Variants in ERBB4 observed in about 807,000 individuals in gnomAD.
ERBB4 encodes the protein erb-b2 receptor tyrosine kinase 4.
Under a neutral mutation model 158.0 loss-of-function variants are expected in ERBB4, and 42 were observed. The observed-to-expected ratio is 0.27, with a 90% CI of 0.21 to 0.34. ERBB4 has a LOEUF of 0.34. ERBB4 is among the 10% of genes least tolerant of loss of function. The pLI is 1.00. For synonymous variants in ERBB4, 583 were observed against 558.7 expected (o/e 1.04, Z -0.61); for missense variants, 1,333 against 1,624.1 (o/e 0.82, Z 3.08).
chr2:212,140,433 T>C (rs1214383664), intron 1 of ERBB4, among the ~76,000 whole-genome samples: 1 of 147,036 alleles, frequency 6.8e-6, no homozygotes, highest in Admixed American at 6.8e-5. Flanking sequence ...TATATATATA[T>C]ACATATCATA....
intron 1 of ERBB4, among the ~76,000 whole-genome samples, chr2:212,242,457 A>T (rs1434607512): frequency 6.6e-6 from 1 of 152,128 alleles, no homozygotes; most frequent in Non-Finnish European, 1.5e-5. Context: ...TATAATAAAC[A>T]ATCTCTCATC....
chr2:212,338,071 A>G (rs1668486062), intron 1 of ERBB4, among the ~76,000 whole-genome samples: 1 of 152,100 alleles, frequency 6.6e-6, no homozygotes, highest in Non-Finnish European at 1.5e-5. Context: ...ATCCCAATCC[A>G]GGAAAAAATG....
intron 1 of ERBB4, among the ~76,000 whole-genome samples, chr2:212,277,120 A>T (rs996146238): frequency 7.9e-5 from 12 of 151,762 alleles, no homozygotes; most frequent in Admixed American, 6.6e-4. Flanking sequence ...AATAGTCAGC[A>T]AGCTAGGGGG....
intron 3 of ERBB4, among the ~76,000 whole-genome samples, chr2:211,854,978 T>C (rs2077817692): frequency 6.6e-6 from 1 of 152,304 alleles, no homozygotes; most frequent in East Asian, 1.9e-4. Flanking sequence ...CTCCCACCTA[T>C]AGTGTATATG....
At chr2:212,328,132 A>G (rs2087948526) in intron 1 of ERBB4, among the ~76,000 whole-genome samples, 1 of 151,748 alleles carries the variant, frequency 6.6e-6, no homozygotes, top group Non-Finnish European at 1.5e-5. Context: ...CATCTGGCAG[A>G]TGGGTTGGTT....
chr2:211,704,051 C>A (rs2073348665), intron 11 of ERBB4, 53 bp downstream of exon 11: 1 of 1,005,686 alleles, frequency 9.9e-7, no homozygotes, highest in Non-Finnish European at 1.6e-6. Context: ...AATGCACACA[C>A]AATGCTCCTC....
intron 20 of ERBB4, among the ~76,000 whole-genome samples, chr2:211,464,715 C>T (rs1037278891): frequency 6.6e-6 from 1 of 152,098 alleles, no homozygotes. Flanking sequence ...TTATATTATA[C>T]ACTACTAAAT....
In ERBB4 at chr2:212,064,151, G is replaced by C. The variant is rs187552473; in HGVS notation, c.234+60601C>G. Among the ~76,000 whole-genome samples, 233 of 152,206 alleles carry C rather than the reference G, an allele frequency of 1.5e-3. 2 individuals carry two copies. The highest frequency in any genetic ancestry group is 4.3e-3 in the Admixed American group (66 of 15,288). On this transcript the variant is annotated intron_variant, in intron 2 of 27. Transcript: ENST00000342788. The stretch of plus-strand genomic sequence containing the variant: ...TTCCCCAGAAGGAAAGGAGATTCCA[G>C]ATTAGAAAGAAAAGAAAAATAACAA...
rs578088611 is a variant in ERBB4, at chr2:212,236,496, G to A, written c.83-111593C>T. 1.5e-3 allele frequency among the ~76,000 whole-genome samples: 234 copies of A among 152,280 alleles called. 2 individuals carry two copies. The highest frequency in any genetic ancestry group is 5.4e-3 in the African/African-American group (223 of 41,564). On this transcript the variant is annotated intron_variant, in intron 1 of 27. Transcript: ENST00000342788. ...CTGGCCTCATAAAATCAATCAGAGA[G>A]GAGTTCCTCTTTTTCGATTGTTTGG...
At chr2:212,406,312 A>G (rs1353930629) in intron 1 of ERBB4, among the ~76,000 whole-genome samples, 1 of 152,152 alleles carries the variant, frequency 6.6e-6, no homozygotes, top group East Asian at 1.9e-4. Flanking sequence ...AAATACAAAG[A>G]AGAACTCCTT....
At chr2:212,015,816 T>C (rs887570479) in intron 2 of ERBB4, among the ~76,000 whole-genome samples, 2 of 152,134 alleles carry the variant, frequency 1.3e-5, no homozygotes, top group Non-Finnish European at 1.5e-5. Flanking sequence ...AACTTCCAAG[T>C]GCCAGTACTT....
intron 3 of ERBB4, among the ~76,000 whole-genome samples, chr2:211,886,250 G>T (rs995272193): frequency 2.6e-5 from 4 of 151,982 alleles, no homozygotes; most frequent in African/African-American, 4.8e-5. Flanking sequence ...ATTTAAAATT[G>T]CAAACTCCAT....
intron 12 of ERBB4, among the ~76,000 whole-genome samples, chr2:211,687,295 AC>A (rs2072599680): frequency 8.9e-6 from 1 of 112,142 alleles, no homozygotes; most frequent in Admixed American, 1.0e-4. Flanking sequence ...ACAGAGCAAG[AC>A]TCCGTCTCAA....
chr2:212,535,128 C>T (rs911765038), intron 1 of ERBB4, among the ~76,000 whole-genome samples: 15 of 151,998 alleles, frequency 9.9e-5, no homozygotes, highest in Non-Finnish European at 2.1e-4. Flanking sequence ...GTCATTTCAT[C>T]ACAACAGAAC....
intron 20 of ERBB4, among the ~76,000 whole-genome samples, chr2:211,486,634 G>C (rs146771758): frequency 4.1e-4 from 63 of 152,102 alleles, no homozygotes; most frequent in African/African-American, 1.5e-3. Context: ...ACAGATTTTG[G>C]GTCAAATCTC....
intron 3 of ERBB4, among the ~76,000 whole-genome samples, chr2:211,852,996 T>C (rs182684139): frequency 5.3e-5 from 8 of 152,148 alleles, no homozygotes; most frequent in African/African-American, 1.9e-4. Flanking sequence ...TCTAATAGTC[T>C]TGTCATCACA....
intron 5 of ERBB4, among the ~76,000 whole-genome samples, chr2:211,725,966 C>T (rs548106289): frequency 6.6e-5 from 10 of 152,212 alleles, no homozygotes; most frequent in African/African-American, 2.2e-4. Flanking sequence ...AGCATCATAT[C>T]GAGGTATACT....
At chr2:212,236,897 T>C (rs2083900563) in intron 1 of ERBB4, among the ~76,000 whole-genome samples, 1 of 152,194 alleles carries the variant, frequency 6.6e-6, no homozygotes, top group African/African-American at 2.4e-5. Context: ...ATCTATTTTG[T>C]TAACCTTTTC....
chr2:211,505,976 A>AAAAAAT (rs71047180), intron 20 of ERBB4, among the ~76,000 whole-genome samples: 1 of 150,748 alleles, frequency 6.6e-6, no homozygotes. Flanking sequence ...AAAAAAAAAA[A>AAAAAAT]GTTATAGACA....
Sources: allele counts gnomAD v4.1 joint callset (sites outside exome capture counted in the v4.1 genomes callset), GRCh38; gene constraint gnomAD v4.1.1; transcripts MANE v1.5; gene names NCBI Gene and HGNC (gene_info 2026-07-23, HGNC 2026-07-21).